PLCXD3: variants seen among roughly 807,000 people sequenced by gnomAD.
PLCXD3 encodes phosphatidylinositol specific phospholipase C X domain containing 3.
A neutral mutation model predicts 25.5 loss-of-function variants in PLCXD3; 19 were observed. The observed-to-expected ratio is 0.75, with a 90% confidence interval of 0.52 to 1.09. The LOEUF is 1.09. Ranked by LOEUF, PLCXD3 falls within the 50% of genes least tolerant of loss-of-function variation. PLCXD3 has a pLI of 0.00. For missense variants in PLCXD3, 411 were observed against 388.1 expected (o/e 1.06, Z -0.50); for synonymous variants, 174 against 137.6 (o/e 1.26, Z -1.85).
intron 1 of PLCXD3, among the ~76,000 whole-genome samples, chr5:41,446,176 CAAAAAAAAAAAAA>C (rs70988847): frequency 9.2e-4 from 35 of 38,124 alleles, no homozygotes; most frequent in African/African-American, 2.6e-3. Context: ...GACTCCTTCT[CAAAAAAAAAAAAA>C]AAAAAAAAAA....
At chr5:41,452,511 T>C (rs977007397) in intron 1 of PLCXD3, among the ~76,000 whole-genome samples, 2 of 151,956 alleles carry the variant, frequency 1.3e-5, no homozygotes, top group Non-Finnish European at 2.9e-5. Flanking sequence ...TGCTGTTAAG[T>C]AGGCATACCT....
chr5:41,397,919 T>C (rs1746060056), intron 1 of PLCXD3, among the ~76,000 whole-genome samples: 2 of 152,200 alleles, frequency 1.3e-5, no homozygotes, highest in Admixed American at 1.3e-4. Flanking sequence ...ATTTCTCCCT[T>C]TTGGAATGGG....
chr5:41,339,954 G>A lies in PLCXD3; in HGVS notation c.813-26184C>T, dbSNP rs141304891. On this transcript the variant is annotated intron_variant, in intron 2 of 2. Coordinates refer to ENST00000377801, the MANE Select transcript of PLCXD3 (RefSeq NM_001005473.3). Reference sequence around the variant, plus strand: ...AGATGGAACAAAAGGAAAGACACTCGCCATAGAGAGGGCCAGAGGAGCCTT... The same window carrying A: ...AGATGGAACAAAAGGAAAGACACTCACCATAGAGAGGGCCAGAGGAGCCTT... 2.5e-3 allele frequency among the ~76,000 whole-genome samples: 380 copies of A among 152,264 alleles called. 1 individual carries two copies. The highest frequency in any genetic ancestry group is 8.3e-3 in the African/African-American group (346 of 41,554).
At chr5:41,315,989 C>CA (rs1743278258) in intron 2 of PLCXD3, among the ~76,000 whole-genome samples, 1 of 152,188 alleles carries the variant, frequency 6.6e-6, no homozygotes, top group South Asian at 2.1e-4. Context: ...ATAAGAACTG[C>CA]AACTCTTAGG....
chr5:41,473,568 G>A (rs111600339), intron 1 of PLCXD3, among the ~76,000 whole-genome samples: 1,691 of 151,954 alleles, frequency 0.011, 27 homozygotes, highest in African/African-American at 0.038. Context: ...TCAGCCTCCC[G>A]AGTACCTGGG....
At chr5:41,510,364 G>C (rs1739023175) in intron 1 of PLCXD3, 60 bp downstream of exon 1, 1 of 1,416,682 alleles carries the variant, frequency 7.1e-7, no homozygotes, top group Non-Finnish European at 9.7e-7. Flanking sequence ...GGCAGATAAA[G>C]CAGGGCGGGG....
At chr5:41,417,952 C>T (rs1746731412) in intron 1 of PLCXD3, among the ~76,000 whole-genome samples, 1 of 152,190 alleles carries the variant, frequency 6.6e-6, no homozygotes, top group Non-Finnish European at 1.5e-5. Flanking sequence ...TCACTACCTA[C>T]TAACAGTATG....
At chr5:41,500,156 T>C (rs1450632749) in intron 1 of PLCXD3, among the ~76,000 whole-genome samples, 3 of 151,904 alleles carry the variant, frequency 2.0e-5, no homozygotes, top group South Asian at 4.1e-4. Flanking sequence ...AGCAAAGATA[T>C]GGAATCAAAC....
chr5:41,491,763 C>T (rs1032727615), intron 1 of PLCXD3, among the ~76,000 whole-genome samples: 23 of 151,946 alleles, frequency 1.5e-4, no homozygotes, highest in African/African-American at 5.6e-4. Context: ...CAACCCCTGC[C>T]TTTTTTTGTT....
intron 2 of PLCXD3, among the ~76,000 whole-genome samples, chr5:41,377,106 A>T (rs1561251206): frequency 6.6e-6 from 1 of 152,094 alleles, no homozygotes; most frequent in Non-Finnish European, 1.5e-5. Context: ...AAACGGATAG[A>T]TAGAGTTTGG....
chr5:41,365,276 G>A (rs964303637), intron 2 of PLCXD3, among the ~76,000 whole-genome samples: 3 of 152,130 alleles, frequency 2.0e-5, no homozygotes, highest in Non-Finnish European at 2.9e-5. Flanking sequence ...GAAAATAGAC[G>A]TGCACCTGAT....
intron 2 of PLCXD3, among the ~76,000 whole-genome samples, chr5:41,314,029 T>G (rs1743218214): frequency 6.6e-6 from 1 of 152,218 alleles, no homozygotes; most frequent in African/African-American, 2.4e-5. Flanking sequence ...TTTATAATGA[T>G]GCTTCCCTAC....
chr5:41,488,969 A>G (rs1285784813), intron 1 of PLCXD3, among the ~76,000 whole-genome samples: 2 of 151,932 alleles, frequency 1.3e-5, no homozygotes, highest in South Asian at 2.1e-4. Flanking sequence ...TTTTGTTGCC[A>G]TTGCTTTTGG....
At chr5:41,402,482 TA>T (rs1253897859) in intron 1 of PLCXD3, among the ~76,000 whole-genome samples, 3 of 151,668 alleles carry the variant, frequency 2.0e-5, no homozygotes, top group Non-Finnish European at 4.4e-5. Flanking sequence ...TATTGATATT[TA>T]TTTTATTTTA....
intron 2 of PLCXD3, among the ~76,000 whole-genome samples, chr5:41,321,923 T>A (rs891675979): frequency 6.6e-6 from 1 of 152,102 alleles, no homozygotes; most frequent in African/African-American, 2.4e-5. Flanking sequence ...TATACAAAAA[T>A]CAGATCAAAA....
intron 1 of PLCXD3, among the ~76,000 whole-genome samples, chr5:41,494,329 A>C (rs1748788296): frequency 6.6e-6 from 1 of 152,220 alleles, no homozygotes; most frequent in African/African-American, 2.4e-5. Context: ...GGGCAGGAAA[A>C]CTGGTTTGAA....
chr5:41,439,323 A>G (rs1426534591), intron 1 of PLCXD3, among the ~76,000 whole-genome samples: 1 of 152,172 alleles, frequency 6.6e-6, no homozygotes, highest in East Asian at 1.9e-4. Flanking sequence ...TAGTACTAGA[A>G]CCTTGACTTT....
intron 2 of PLCXD3, among the ~76,000 whole-genome samples, chr5:41,363,947 A>G (rs1239848957): frequency 6.6e-6 from 1 of 152,196 alleles, no homozygotes; most frequent in East Asian, 1.9e-4. Context: ...ATCCCTGGAC[A>G]GTTGGTATCA....
intron 2 of PLCXD3, among the ~76,000 whole-genome samples, chr5:41,365,489 T>C (rs1268495485): frequency 6.6e-6 from 1 of 152,152 alleles, no homozygotes; most frequent in Non-Finnish European, 1.5e-5. Context: ...TTTATAAAAA[T>C]CTCACACTCC....
Sources: allele counts gnomAD v4.1 joint callset (sites outside exome capture counted in the v4.1 genomes callset), GRCh38; gene constraint gnomAD v4.1.1; transcripts MANE v1.5; gene names NCBI Gene and HGNC (gene_info 2026-07-23, HGNC 2026-07-21).